EDA: variants seen among roughly 807,000 people sequenced by gnomAD.
The protein encoded by EDA is ectodysplasin A.
A neutral mutation model predicts 23.6 loss-of-function variants in EDA; 2 were observed. That is an observed-to-expected ratio of 0.08 (90% CI 0.03 to 0.27). EDA has a LOEUF of 0.27. Ranked by LOEUF, EDA falls within the 10% of genes least tolerant of loss-of-function variation. EDA has a pLI of 1.00. For missense variants in EDA, 229 were observed against 324.2 expected (o/e 0.71, Z 2.26); for synonymous variants, 131 against 132.0 (o/e 0.99, Z 0.05).
rs1185215068 is a variant in EDA, at chrX:70,037,666, G to T, written c.*2057G>T. On this transcript the variant is annotated 3_prime_UTR_variant, in exon 8 of 8. Coordinates refer to ENST00000374552, the MANE Select transcript of EDA (RefSeq NM_001399.5). ...TTGTGTGGAATTTGAGGTCTAGAGA[G>T]AACCAATAAAAGTGGTAATTGGGAA... is the stretch of plus-strand genomic sequence containing the variant. The T allele has an allele frequency of 9.0e-6, 1 of 111,520 alleles. No homozygotes were observed. Among genetic ancestry groups the T allele is most frequent in the Non-Finnish European group, 1.9e-5 (1 of 53,115 alleles). 9.2% of individuals were successfully genotyped at this position (111,520 alleles called of 1,213,427 possible).
chrX:69,676,201 C>T (rs1307177780), intron 1 of EDA, among the ~76,000 whole-genome samples: 1 of 111,186 alleles, frequency 9.0e-6, no homozygotes, highest in Non-Finnish European at 1.9e-5. Flanking sequence ...GGGGCTTGAG[C>T]AAAGGGGTTA....
At chrX:69,724,909 A>G (rs947237091) in intron 1 of EDA, among the ~76,000 whole-genome samples, 2 of 112,185 alleles carry the variant, frequency 1.8e-5, no homozygotes, top group South Asian at 3.7e-4. Flanking sequence ...GGCTTAGGAA[A>G]TGGGATTGGG....
At chrX:69,885,495 T>A (rs1301694095) in intron 1 of EDA, among the ~76,000 whole-genome samples, 1 of 112,337 alleles carries the variant, frequency 8.9e-6, no homozygotes, top group Non-Finnish European at 1.9e-5. Flanking sequence ...TCAAGGTTCA[T>A]CCATGTTGCA....
intron 1 of EDA, among the ~76,000 whole-genome samples, chrX:69,812,301 A>G (rs2015979667): frequency 8.9e-6 from 1 of 112,280 alleles, no homozygotes; most frequent in Non-Finnish European, 1.9e-5. Context: ...TGTAGCTTTA[A>G]TGCTATGCTT....
intron 1 of EDA, among the ~76,000 whole-genome samples, chrX:69,826,159 G>C (rs1383599075): frequency 8.9e-6 from 1 of 111,802 alleles, no homozygotes; most frequent in African/African-American, 3.3e-5. Context: ...GTGGTGCTGA[G>C]AAGAATGTAT....
intron 1 of EDA, among the ~76,000 whole-genome samples, chrX:69,624,791 T>G (rs1932319379): frequency 1.0e-5 from 1 of 98,916 alleles, no homozygotes; most frequent in African/African-American, 3.6e-5. Context: ...CAGAAGCTCC[T>G]CTCTCTCTCT....
intron 2 of EDA, among the ~76,000 whole-genome samples, chrX:69,988,869 A>G (rs1030507318): frequency 1.1e-4 from 12 of 111,599 alleles, no homozygotes; most frequent in Non-Finnish European, 2.1e-4. Context: ...AAGAAAAAAA[A>G]TTGTTTAATT....
chrX:69,929,792 A>G (rs1298101913), intron 1 of EDA, among the ~76,000 whole-genome samples: 3 of 106,828 alleles, frequency 2.8e-5, no homozygotes, highest in African/African-American at 1.0e-4. Context: ...GGGAGACTTC[A>G]AAGAAATGTT....
intron 2 of EDA, among the ~76,000 whole-genome samples, chrX:69,981,184 T>C (rs527843249): frequency 9.6e-4 from 107 of 111,788 alleles, no homozygotes; most frequent in African/African-American, 3.4e-3. Context: ...TCTTTACCGC[T>C]AGATCCTTTT....
intron 1 of EDA, among the ~76,000 whole-genome samples, chrX:69,845,330 G>A (rs1358863086): frequency 8.9e-6 from 1 of 111,825 alleles, no homozygotes; most frequent in Non-Finnish European, 1.9e-5. Flanking sequence ...GGCTAATTGG[G>A]AAATCAGTGA....
At chrX:69,909,242 T>A (rs1602526672) in intron 1 of EDA, among the ~76,000 whole-genome samples, 1 of 112,070 alleles carries the variant, frequency 8.9e-6, no homozygotes, top group East Asian at 2.8e-4. Context: ...ATCAGAGCCC[T>A]ACTTATTTAT....
intron 1 of EDA, among the ~76,000 whole-genome samples, chrX:69,824,107 AG>A (rs2016332153): frequency 9.6e-6 from 1 of 104,274 alleles, no homozygotes; most frequent in Non-Finnish European, 2.0e-5. Context: ...GTAGCCTTGT[AG>A]TATAGTTTGA....
intron 1 of EDA, among the ~76,000 whole-genome samples, chrX:69,782,753 A>G (rs1043622371): frequency 3.6e-5 from 4 of 112,112 alleles, no homozygotes; most frequent in African/African-American, 1.3e-4. Flanking sequence ...TTTGAAGCCA[A>G]CCAAGGACTG....
At chrX:69,968,017 A>G (rs1454621770) in intron 2 of EDA, among the ~76,000 whole-genome samples, 1 of 111,849 alleles carries the variant, frequency 8.9e-6, no homozygotes, top group Non-Finnish European at 1.9e-5. Context: ...ATAGCTAGAG[A>G]TTCATTAAGC....
chrX:69,640,143 T>C (rs1349877769), intron 1 of EDA, among the ~76,000 whole-genome samples: 1 of 111,664 alleles, frequency 9.0e-6, no homozygotes, highest in African/African-American at 3.3e-5. Context: ...ACTTAGTGGG[T>C]GACAATCTGT....
At chrX:69,702,633 T>G (rs1483291086) in intron 1 of EDA, among the ~76,000 whole-genome samples, 1 of 109,345 alleles carries the variant, frequency 9.1e-6, no homozygotes, top group African/African-American at 3.3e-5. Flanking sequence ...GTCTGCTGGA[T>G]CCAACAAGGA....
chrX:69,793,173 G>A (rs1204602894), intron 1 of EDA, among the ~76,000 whole-genome samples: 1 of 111,612 alleles, frequency 9.0e-6, no homozygotes, highest in Non-Finnish European at 1.9e-5. Context: ...AATTTTGTTA[G>A]CACAACTTTT....
At chrX:69,803,888 C>T (rs1333188821) in intron 1 of EDA, among the ~76,000 whole-genome samples, 1 of 110,263 alleles carries the variant, frequency 9.1e-6, no homozygotes, top group African/African-American at 3.3e-5. Context: ...TTTAAAGTTT[C>T]CACATATGAG....
At chrX:69,719,820 G>A in intron 1 of EDA, among the ~76,000 whole-genome samples, 1 of 109,099 alleles carries the variant, frequency 9.2e-6, no homozygotes. Context: ...CATGATTTCG[G>A]CTCACTGCAA....
Sources: gnomAD v4.1 joint callset for allele counts (sites outside exome capture counted in the v4.1 genomes callset) on GRCh38, gnomAD v4.1.1 for gene constraint, MANE v1.5 for transcripts, NCBI Gene and HGNC (gene_info 2026-07-23, HGNC 2026-07-21) for gene names.